Variants in ZC3H12B observed in about 807,000 individuals in gnomAD.
ZC3H12B encodes probable ribonuclease ZC3H12B.
ZC3H12B carries 7 observed loss-of-function variants against 43.9 expected under a neutral mutation model. That is an observed-to-expected ratio of 0.16 (90% CI 0.09 to 0.30). ZC3H12B has a LOEUF of 0.30. Among genes scored for constraint, ZC3H12B ranks in the 10% least tolerant of loss-of-function variants. ZC3H12B has a pLI of 1.00. For missense variants in ZC3H12B, 475 were observed against 670.2 expected, an observed-to-expected ratio of 0.71 and a Z score of 3.22; for synonymous variants, 222 against 241.7, an observed-to-expected ratio of 0.92 and a Z score of 0.76.
At chrX:65,106,318 C>T in the ZC3H12B span, among the ~76,000 whole-genome samples, 19 of 111,479 alleles carry the variant, frequency 1.7e-4, no homozygotes, top group South Asian at 1.1e-3. Context: ...TAGAGAGGAG[C>T]GTGGAGGGCA....
At chrX:65,098,497 C>T in the ZC3H12B span, among the ~76,000 whole-genome samples, 7 of 110,075 alleles carry the variant, frequency 6.4e-5, no homozygotes, top group Non-Finnish European at 9.5e-5. Flanking sequence ...GCAGCTCCCA[C>T]GAAACCAATG....
the ZC3H12B span, among the ~76,000 whole-genome samples, chrX:65,110,191 C>T: frequency 9.0e-6 from 1 of 110,524 alleles, no homozygotes; most frequent in East Asian, 2.8e-4. Flanking sequence ...ATTCTAGATA[C>T]TGGTCCTTTA....
At chrX:65,200,285 A>C in the ZC3H12B span, among the ~76,000 whole-genome samples, 1 of 111,024 alleles carries the variant, frequency 9.0e-6, no homozygotes, top group Non-Finnish European at 1.9e-5. Flanking sequence ...TCCTTTGCCC[A>C]CATCTCAATG....
intron 3 of ZC3H12B, among the ~76,000 whole-genome samples, chrX:65,460,296 T>C (rs1311990541): frequency 8.9e-6 from 1 of 111,769 alleles, no homozygotes; most frequent in African/African-American, 3.3e-5. Context: ...AGGTAATTTA[T>C]AGATTCAATG....
At chrX:65,422,854 A>T (rs2067035085) in intron 3 of ZC3H12B, among the ~76,000 whole-genome samples, 1 of 109,803 alleles carries the variant, frequency 9.1e-6, no homozygotes, top group African/African-American at 3.3e-5. Context: ...TCACTGAAAA[A>T]ACATAAACTC....
the ZC3H12B span, among the ~76,000 whole-genome samples, chrX:65,337,360 G>A: frequency 8.9e-6 from 1 of 112,349 alleles, no homozygotes; most frequent in Admixed American, 9.4e-5. Flanking sequence ...ATACAGTAAA[G>A]TGAAAGCAAG....
chrX:65,146,210 T>A, the ZC3H12B span, among the ~76,000 whole-genome samples: 1 of 111,826 alleles, frequency 8.9e-6, no homozygotes, highest in African/African-American at 3.3e-5. Context: ...TTTGTTGGAT[T>A]TGGTTAATTC....
chrX:65,373,299 T>C (rs1446362090), intron 2 of ZC3H12B, among the ~76,000 whole-genome samples: 2 of 112,068 alleles, frequency 1.8e-5, no homozygotes, highest in Non-Finnish European at 3.8e-5. Context: ...GGTGGGACTG[T>C]AAACTAGTTC....
chrX:65,216,620 A>G, the ZC3H12B span, among the ~76,000 whole-genome samples: 2 of 110,727 alleles, frequency 1.8e-5, no homozygotes, highest in African/African-American at 6.7e-5. Flanking sequence ...ACCCAGTGCA[A>G]CACCTGCTGC....
chrX:65,212,603 A>G, the ZC3H12B span, among the ~76,000 whole-genome samples: 1 of 82,755 alleles, frequency 1.2e-5, no homozygotes, highest in African/African-American at 4.7e-5. Flanking sequence ...ATAATATATA[A>G]TTACATATAT....
chrX:65,224,764 G>A, the ZC3H12B span, among the ~76,000 whole-genome samples: 7 of 111,876 alleles, frequency 6.3e-5, no homozygotes, highest in African/African-American at 1.6e-4. Flanking sequence ...ATGGAGTCTC[G>A]CTGATTGCTA....
chrX:65,146,534 C>G, the ZC3H12B span, among the ~76,000 whole-genome samples: 5 of 111,331 alleles, frequency 4.5e-5, no homozygotes, highest in Admixed American at 9.6e-5. Flanking sequence ...GTTAAAGAAC[C>G]TCCTTTTGTC....
At chrX:65,338,058 C>T in the ZC3H12B span, among the ~76,000 whole-genome samples, 14 of 111,940 alleles carry the variant, frequency 1.3e-4, no homozygotes, top group Non-Finnish European at 2.3e-4. Context: ...AGGTTTTGAT[C>T]CTATCCTGAA....
intron 3 of ZC3H12B, among the ~76,000 whole-genome samples, chrX:65,413,928 G>A (rs764284265): frequency 1.8e-5 from 2 of 111,924 alleles, no homozygotes; most frequent in East Asian, 2.8e-4. Context: ...TATGAACACA[G>A]TATGTCATTT....
the ZC3H12B span, among the ~76,000 whole-genome samples, chrX:65,225,771 A>T: frequency 8.9e-6 from 1 of 112,206 alleles, no homozygotes; most frequent in African/African-American, 3.2e-5. Flanking sequence ...AAGAAAGGGT[A>T]TCAGTCATGG....
chrX:65,114,227 T>A, the ZC3H12B span, among the ~76,000 whole-genome samples: 1 of 107,047 alleles, frequency 9.3e-6, no homozygotes, highest in Admixed American at 1.0e-4. Context: ...TCTTGTACTG[T>A]TTTTTTGTTC....
At chrX:65,319,745 C>T in the ZC3H12B span, among the ~76,000 whole-genome samples, 2 of 111,050 alleles carry the variant, frequency 1.8e-5, no homozygotes, top group Non-Finnish European at 3.8e-5. Flanking sequence ...GTGCCTTATC[C>T]CTGGGATACA....
At chrX:65,071,827 G>A in the ZC3H12B span, among the ~76,000 whole-genome samples, 7 of 111,854 alleles carry the variant, frequency 6.3e-5, no homozygotes, top group Non-Finnish European at 1.1e-4. Flanking sequence ...TCCACTGTTA[G>A]TCTGATGGGC....
the ZC3H12B span, among the ~76,000 whole-genome samples, chrX:65,227,312 T>C: frequency 9.0e-6 from 1 of 111,401 alleles, no homozygotes; most frequent in Non-Finnish European, 1.9e-5. Context: ...AAGGCAGAAA[T>C]AAAGATGTTC....
Sources: allele counts gnomAD v4.1 joint callset (sites outside exome capture counted in the v4.1 genomes callset), GRCh38; gene constraint gnomAD v4.1.1; transcripts MANE v1.5; gene names NCBI Gene and HGNC (gene_info 2026-07-23, HGNC 2026-07-21).